The following CHD6 variants were observed in gnomAD, a reference collection of about 807,000 sequenced individuals.
CHD6 encodes the protein ATP-dependent chromatin remodeler CHD6.
In CHD6, 50 loss-of-function variants were observed where a neutral mutation model predicts 276.9. That is an observed-to-expected ratio of 0.18 (90% CI 0.14 to 0.23). CHD6 has a LOEUF of 0.23. Among genes scored for constraint, CHD6 ranks in the 10% least tolerant of loss-of-function variants. The pLI is 1.00. For synonymous variants in CHD6, 1,173 were observed against 1,229.3 expected, an observed-to-expected ratio of 0.95 and a Z score of 0.96; for missense variants, 2,564 against 3,365.8, an observed-to-expected ratio of 0.76 and a Z score of 5.89.
intron 1 of CHD6, among the ~76,000 whole-genome samples, chr20:41,557,616 C>T (rs2045255359): frequency 6.6e-6 from 1 of 152,158 alleles, no homozygotes; most frequent in Admixed American, 6.5e-5. Flanking sequence ...ACAATCCCTG[C>T]TCAGTCCAAG....
chr20:41,563,750 G>T (rs563746990), intron 1 of CHD6, among the ~76,000 whole-genome samples: 1 of 152,194 alleles, frequency 6.6e-6, no homozygotes, highest in South Asian at 2.1e-4. Context: ...TTTTGTTGTT[G>T]TTGGTCCCTA....
At chr20:41,444,002 G>C (rs1276130298) in intron 25 of CHD6, among the ~76,000 whole-genome samples, 1 of 152,186 alleles carries the variant, frequency 6.6e-6, no homozygotes, top group African/African-American at 2.4e-5. Context: ...CTTCAGATGT[G>C]TTCTCTTTTC....
At chr20:41,515,821 T>C (rs1447239059) in intron 3 of CHD6, among the ~76,000 whole-genome samples, 1 of 152,236 alleles carries the variant, frequency 6.6e-6, no homozygotes, top group Non-Finnish European at 1.5e-5. Flanking sequence ...AGTATGTGCT[T>C]GACTATGTTT....
chr20:41,513,282 T>A (rs746647165), intron 4 of CHD6, among the ~76,000 whole-genome samples: 2 of 152,136 alleles, frequency 1.3e-5, no homozygotes, highest in African/African-American at 2.4e-5. Flanking sequence ...TCATCAACGG[T>A]AGTGACTTTC....
intron 8 of CHD6, among the ~76,000 whole-genome samples, chr20:41,496,062 C>G (rs2145885539): frequency 6.6e-6 from 1 of 152,316 alleles, no homozygotes; most frequent in South Asian, 2.1e-4. Flanking sequence ...AATCCTGGTA[C>G]CCAAATGAAC....
chr20:41,604,986 A>G (rs2045812995), intron 1 of CHD6, among the ~76,000 whole-genome samples: 1 of 152,202 alleles, frequency 6.6e-6, no homozygotes, highest in Admixed American at 6.5e-5. Context: ...AAAGGACTGC[A>G]TATTGGGTTT....
At chr20:41,528,181 G>C (rs1463804488) in intron 3 of CHD6, among the ~76,000 whole-genome samples, 1 of 152,068 alleles carries the variant, frequency 6.6e-6, no homozygotes, top group Non-Finnish European at 1.5e-5. Flanking sequence ...GCTTTTCTAA[G>C]GCCAAAACAT....
intron 33 of CHD6, among the ~76,000 whole-genome samples, chr20:41,416,227 T>C (rs1600803828): frequency 6.6e-6 from 1 of 152,116 alleles, no homozygotes; most frequent in African/African-American, 2.4e-5. Context: ...TTTCCTTATA[T>C]ATTTATTAGT....
intron 14 of CHD6, among the ~76,000 whole-genome samples, chr20:41,486,918 G>A: frequency 6.6e-6 from 1 of 151,712 alleles, no homozygotes. Context: ...CATCCCTCAA[G>A]ATGCATTTTC....
At chr20:41,539,231 GTGC>G (rs1419096549) in intron 2 of CHD6, among the ~76,000 whole-genome samples, 1 of 152,194 alleles carries the variant, frequency 6.6e-6, no homozygotes, top group Non-Finnish European at 1.5e-5. Flanking sequence ...TCTGTGAGGT[GTGC>G]TGCTCTCTTC....
chr20:41,456,101 C>T (rs2048370394), intron 18 of CHD6, 122 bp from the exon 19 acceptor site: 5 of 912,176 alleles, frequency 5.5e-6, no homozygotes, highest in East Asian at 2.8e-5. Flanking sequence ...GAACAAAGGA[C>T]GTGGGCAACA....
At chr20:41,460,218 TCA>T (rs2048501342) in intron 17 of CHD6, among the ~76,000 whole-genome samples, 3 of 152,146 alleles carry the variant, frequency 2.0e-5, no homozygotes, top group Admixed American at 1.3e-4. Flanking sequence ...TTAAAAACAT[TCA>T]GTTTTATAAG....
intron 1 of CHD6, among the ~76,000 whole-genome samples, chr20:41,555,435 G>A (rs1421980165): frequency 8.7e-5 from 13 of 150,118 alleles, no homozygotes; most frequent in East Asian, 7.9e-4. Flanking sequence ...CCTCCCGGAC[G>A]GGGTGGCTGC....
chr20:41,432,160 CAA>C (rs572447937), intron 27 of CHD6, among the ~76,000 whole-genome samples: 16 of 58,984 alleles, frequency 2.7e-4, no homozygotes, highest in Non-Finnish European at 2.7e-4. Flanking sequence ...AACTCCGTCT[CAA>C]AAAAAAAAAA....
chr20:41,533,566 G>T lies in CHD6; in HGVS notation c.38C>A (p.Ser13Ter). ...GGAGTGATTCAAAACTTTTAAATTT[G>T]ACAACTGTAAAAGAAAGAGAAACAA... ...MKIQKKEKQL[S>*]NLKVLNHSPM... The change falls in exon 3 of 37, where the codon TCA becomes TAA. Residue 13 changes from serine to a stop codon, truncating the protein, a stop_gained. Coordinates refer to ENST00000373233, the MANE Select transcript of CHD6 (RefSeq NM_032221.5). LOFTEE classifies it high-confidence loss of function. The T allele has an allele frequency of 6.3e-7, 1 of 1,599,602 alleles. No homozygotes were observed. The highest frequency in any genetic ancestry group is 1.1e-5 in the South Asian group (1 of 89,476).
rs756615066 is a variant in CHD6, at chr20:41,415,509, T to C, written c.6616A>G (p.Ile2206Val). 59 of 1,613,960 alleles carry C rather than the reference T, an allele frequency of 3.7e-5. No individual in the cohort carries two copies. The highest frequency in any genetic ancestry group is 4.2e-5 in the Non-Finnish European group (50 of 1,179,994). Residue 2206 changes from isoleucine to valine, a missense_variant, in exon 34 of 37, where the codon ATC becomes GTC. Coordinates refer to ENST00000373233, the MANE Select transcript of CHD6 (RefSeq NM_032221.5). ...QFSATHGHTP[I>V]ILNGWHGESA... ...TCCCCATGCCAGCCATTGAGGATGA[T>C]AGGGGTGTGCCCGTGGGTGGCAGAG... is the stretch of plus-strand genomic sequence containing the variant.
rs145769981 is a variant in CHD6 at position 41,452,779 on chromosome 20, G to A, written c.3284C>T (p.Ala1095Val). The A allele has an allele frequency of 2.7e-4, 428 of 1,613,240 alleles. No individual in the cohort carries two copies. The highest frequency in any genetic ancestry group is 9.9e-4 in the Middle Eastern group (6 of 6,054). Residue 1095 changes from alanine (A) to valine (V), a missense_variant, in exon 21 of 37, where the codon GCG becomes GTG. By Grantham distance (64) the Ala-to-Val change is moderately conservative. Transcript: ENST00000373233. This position sits in a 1 kb window ranked among gnomAD's most constrained non-coding sequence, Gnocchi z 4.2. ...LNDKARRYLR[A>V]ECFRVEKNLL... ...GTTCTTCTCTACCCGGAAGCACTCC[G>A]CTCGGAGGTAGCGCCTGGCTTTGTC...
At chr20:41,544,637 A>G (rs2045005333) in intron 2 of CHD6, among the ~76,000 whole-genome samples, 1 of 150,814 alleles carries the variant, frequency 6.6e-6, no homozygotes, top group Admixed American at 6.6e-5. Context: ...ATATTAACAT[A>G]TAATTAATCA....
intron 1 of CHD6, among the ~76,000 whole-genome samples, chr20:41,593,355 T>C (rs1234355683): frequency 6.6e-6 from 1 of 152,194 alleles, no homozygotes; most frequent in Non-Finnish European, 1.5e-5. Flanking sequence ...ATTTTCAGCA[T>C]TAATTTATGA....
Sources: allele counts gnomAD v4.1 joint callset (sites outside exome capture counted in the v4.1 genomes callset), GRCh38; gene constraint gnomAD v4.1.1; non-coding constraint Gnocchi (gnomAD v3.1); transcripts MANE v1.5; gene names NCBI Gene and HGNC (gene_info 2026-07-23, HGNC 2026-07-21).